The following KIDINS220 variants were observed in gnomAD, a reference collection of about 807,000 sequenced individuals.
The protein encoded by KIDINS220 is kinase D interacting substrate 220, also known as kinase D-interacting substrate of 220 kDa.
KIDINS220 carries 63 observed loss-of-function variants against 157.6 expected under a neutral mutation model. That is an observed-to-expected ratio of 0.40 (90% CI 0.33 to 0.49). KIDINS220 has a LOEUF of 0.49. KIDINS220 is among the 20% of genes least tolerant of loss of function. The probability of loss-of-function intolerance (pLI) is 0.66; values close to 1 mark genes in which losing one functional copy is unlikely to be tolerated. For synonymous variants in KIDINS220, 732 were observed against 783.6 expected, an observed-to-expected ratio of 0.93 and a Z score of 1.10; for missense variants, 1,772 against 2,171.2, an observed-to-expected ratio of 0.82 and a Z score of 3.65.
At chr2:8,828,460 T>C (rs1361927966) in intron 1 of KIDINS220, among the ~76,000 whole-genome samples, 1 of 152,206 alleles carries the variant, frequency 6.6e-6, no homozygotes, top group African/African-American at 2.4e-5. Flanking sequence ...CTGTCTACCA[T>C]AACTATAAGT....
At chr2:8,803,993 T>C (rs1675086615) in intron 7 of KIDINS220, among the ~76,000 whole-genome samples, 2 of 152,266 alleles carry the variant, frequency 1.3e-5, no homozygotes, top group African/African-American at 4.8e-5. Flanking sequence ...AATTGAGCTG[T>C]CATTCTCCCA....
intron 10 of KIDINS220, 22 bp from the exon 11 acceptor site, chr2:8,796,891 T>C (rs764617319): frequency 3.9e-6 from 6 of 1,553,842 alleles, no homozygotes; most frequent in Non-Finnish European, 8.9e-7. Flanking sequence ...AATAAGAACA[T>C]TTGCCAGATT....
intron 22 of KIDINS220, among the ~76,000 whole-genome samples, chr2:8,768,789 T>C (rs1397619809): frequency 6.6e-6 from 1 of 152,176 alleles, no homozygotes; most frequent in Non-Finnish European, 1.5e-5. Context: ...TAGATTATTC[T>C]CACATACTTT....
chr2:8,722,125 A>G (rs1662992706), downstream of KIDINS220: 1 of 152,246 alleles, frequency 6.6e-6, no homozygotes, highest in Non-Finnish European at 1.5e-5. Context: ...CTCTTTCATT[A>G]AACCTAAGCA....
chr2:8,794,965 G>A (rs1344507995), intron 11 of KIDINS220, among the ~76,000 whole-genome samples: 2 of 152,168 alleles, frequency 1.3e-5, no homozygotes, highest in Admixed American at 6.5e-5. Flanking sequence ...TTCGTACTTT[G>A]GAGGATATAA....
At chr2:8,727,335 T>G, downstream of KIDINS220, 2 of 882,304 alleles carry the variant, frequency 2.3e-6, no homozygotes, top group Non-Finnish European at 2.7e-6. Context: ...AGAAGTTAAC[T>G]TATGGCACCT....
chr2:8,771,976 G>C (rs1200114453), intron 21 of KIDINS220, among the ~76,000 whole-genome samples: 1 of 149,612 alleles, frequency 6.7e-6, no homozygotes, highest in Non-Finnish European at 1.5e-5. Flanking sequence ...AAAAGAAAAA[G>C]ACAAAAAAAA....
In KIDINS220 at chr2:8,731,141, A is replaced by C. The variant is rs767021424; in HGVS notation, c.4895T>G (p.Leu1632Arg). Residue 1632 changes from leucine (L) to arginine (R), a missense_variant, in exon 30 of 30, where the codon CTG (leucine) becomes CGG (arginine). Leu to Arg is a moderately radical substitution (Grantham distance 102, BLOSUM62 -2). Transcript: ENST00000256707. This position sits in a 1 kb window ranked among gnomAD's most constrained non-coding sequence, Gnocchi z 5.2. ...TATAATTGGATCTTGCAGGCCACTC[A>C]GGCTATGTGGGATTCCCCGCTTTCC... ...HSGKRGIPHS[L>R]SGLQDPIIAR... 6.2e-7 allele frequency: 1 copy of C among 1,614,168 alleles called. No individual in the cohort carries two copies. Among genetic ancestry groups the C allele is most frequent in the South Asian group, 1.1e-5 (1 of 91,086 alleles).
intron 20 of KIDINS220, among the ~76,000 whole-genome samples, chr2:8,777,371 T>C (rs1269904464): frequency 6.6e-6 from 1 of 152,198 alleles, no homozygotes; most frequent in Non-Finnish European, 1.5e-5. Flanking sequence ...CAATCATAGC[T>C]CGCTGCAACC....
chr2:8,726,040 G>C (rs1663275293), downstream of KIDINS220, among the ~76,000 whole-genome samples: 1 of 152,208 alleles, frequency 6.6e-6, no homozygotes, highest in South Asian at 2.1e-4. Context: ...AGGAACGCTT[G>C]TCTTTATATT....
At chr2:8,723,692 C>T (rs1192831803), downstream of KIDINS220, 1 of 152,168 alleles carries the variant, frequency 6.6e-6, no homozygotes, top group African/African-American at 2.4e-5. Context: ...AAGAAGTGAG[C>T]TACAGATAGG....
intron 1 of KIDINS220, among the ~76,000 whole-genome samples, chr2:8,835,868 G>A (rs1034230060): frequency 3.3e-5 from 5 of 152,040 alleles, no homozygotes; most frequent in Admixed American, 2.0e-4. Flanking sequence ...GCAAAAGCAG[G>A]AAGAAGGGGA....
At chr2:8,834,015 G>A (rs939915697) in intron 1 of KIDINS220, among the ~76,000 whole-genome samples, 4 of 152,044 alleles carry the variant, frequency 2.6e-5, no homozygotes, top group Non-Finnish European at 4.4e-5. Context: ...CTCCAGATAC[G>A]ACACAGTAAG....
intron 22 of KIDINS220, among the ~76,000 whole-genome samples, chr2:8,766,626 T>A (rs1022789385): frequency 1.3e-5 from 2 of 152,188 alleles, no homozygotes; most frequent in Non-Finnish European, 2.9e-5. Flanking sequence ...AGGTGTCCAA[T>A]AACTGTTTTC....
rs768186128 is a variant in KIDINS220, at chr2:8,779,051, T to C, written c.2459A>G (p.Asn820Ser). ...IIIKAINQNL[N>S]SVLRDSNING... ...TATATTTGAATCCCGAAGCACACTATTGAGGTTCTGGTTAATTGCCTTTAT... is the reference window on the plus strand; with the variant it reads ...TATATTTGAATCCCGAAGCACACTACTGAGGTTCTGGTTAATTGCCTTTAT... Residue 820 changes from asparagine to serine, a missense_variant, in exon 19 of 30, where the codon AAT becomes AGT. Around this residue, in one of 3 missense-constraint regions of KIDINS220, gnomAD observed 725 missense variants for 1,017.1 expected, o/e 0.71. Transcript: ENST00000256707. The C allele has an allele frequency of 5.0e-6, 8 of 1,614,028 alleles. No homozygotes were observed. Among genetic ancestry groups the C allele is most frequent in the African/African-American group, 4.0e-5 (3 of 74,934 alleles).
At position 8,758,318 on chromosome 2, in the gene KIDINS220, T is replaced by C. The variant is rs528441810; in HGVS notation, c.3012-6674A>G. On this transcript the variant is annotated intron_variant, in intron 22 of 29. Coordinates refer to ENST00000256707, the MANE Select transcript of KIDINS220 (RefSeq NM_020738.4). Reference sequence around the variant, plus strand: ...CTCACTTCCCAGGTTCCAAACACACTGGAAAAAATACTTGAGAAAAATCTA... The same window carrying C: ...CTCACTTCCCAGGTTCCAAACACACCGGAAAAAATACTTGAGAAAAATCTA... Among the ~76,000 whole-genome samples the C allele has an allele frequency of 1.7e-4, 26 of 152,288 alleles. No homozygotes were observed. In the South Asian group the frequency reaches 5.2e-3, roughly 30 times the overall value.
intron 26 of KIDINS220, among the ~76,000 whole-genome samples, chr2:8,745,779 A>G (rs950637447): frequency 6.6e-6 from 1 of 152,180 alleles, no homozygotes; most frequent in Admixed American, 6.5e-5. Flanking sequence ...AGCCTGAGCA[A>G]AAGAGCGAAA....
intron 1 of KIDINS220, among the ~76,000 whole-genome samples, chr2:8,830,383 A>C (rs981553797): frequency 2.0e-4 from 31 of 152,182 alleles, no homozygotes; most frequent in African/African-American, 6.3e-4. Context: ...CACAAAGGGA[A>C]ATATGGCTTC....
intron 24 of KIDINS220, among the ~76,000 whole-genome samples, chr2:8,749,119 G>A (rs1271211371): frequency 2.0e-5 from 3 of 152,064 alleles, no homozygotes; most frequent in South Asian, 2.1e-4. Context: ...ATAGAAAAAC[G>A]GAGTAACATT....
Sources: allele counts gnomAD v4.1 joint callset (sites outside exome capture counted in the v4.1 genomes callset), GRCh38; gene constraint gnomAD v4.1.1; regional missense constraint gnomAD v4.1.1; non-coding constraint Gnocchi (gnomAD v3.1); transcripts MANE v1.5; gene names NCBI Gene and HGNC (gene_info 2026-07-23, HGNC 2026-07-21).